The following OR1B1 variants were observed in gnomAD, a reference collection of about 807,000 sequenced individuals.
OR1B1 encodes the protein olfactory receptor 1B1.
For synonymous variants in OR1B1, 168 were observed against 156.2 expected (o/e 1.08, Z -0.57); for missense variants, 414 against 402.1 (o/e 1.03, Z -0.25).
At chr9:122,631,128 C>T (rs1483497244), upstream of OR1B1, among the ~76,000 whole-genome samples, 1 of 152,102 alleles carries the variant, frequency 6.6e-6, no homozygotes, top group East Asian at 1.9e-4. Flanking sequence ...GTAATACAAT[C>T]ATCCACACAT....
the OR1B1 span, among the ~76,000 whole-genome samples, chr9:122,646,872 A>T: frequency 6.6e-6 from 1 of 152,174 alleles, no homozygotes; most frequent in Non-Finnish European, 1.5e-5. Flanking sequence ...ACTTTTCAGG[A>T]CATAGCACAA....
chr9:122,651,421 T>C, the OR1B1 span, among the ~76,000 whole-genome samples: 815 of 152,336 alleles, frequency 5.4e-3, 9 homozygotes, highest in African/African-American at 0.019. Flanking sequence ...TTATTCTTCC[T>C]ATATAGCTGT....
At chr9:122,643,898 C>T in the OR1B1 span, among the ~76,000 whole-genome samples, 1 of 152,176 alleles carries the variant, frequency 6.6e-6, no homozygotes, top group Non-Finnish European at 1.5e-5. Flanking sequence ...GAACCTAGTC[C>T]TGGCAGGATT....
downstream of OR1B1, chr9:122,628,558 A>G (rs746236732): frequency 8.0e-6 from 12 of 1,498,160 alleles, no homozygotes; most frequent in Non-Finnish European, 1.1e-5. Context: ...CACCTATTCA[A>G]TATGGCCCAC....
At chr9:122,633,374 C>T (rs1830223443), upstream of OR1B1, among the ~76,000 whole-genome samples, 1 of 151,998 alleles carries the variant, frequency 6.6e-6, no homozygotes, top group Non-Finnish European at 1.5e-5. Context: ...GGGGAGACTC[C>T]TTGACATTAG....
chr9:122,645,309 A>C, the OR1B1 span, among the ~76,000 whole-genome samples: 2 of 152,266 alleles, frequency 1.3e-5, no homozygotes, highest in Middle Eastern at 3.4e-3. Context: ...CAAGAGGACC[A>C]GTTACAGAGT....
rs1294343226 is a variant in OR1B1, at chr9:122,628,816, G to A, written c.720C>T (p.Arg240=). The A allele has an allele frequency of 1.1e-5, 18 of 1,614,108 alleles. No homozygotes were observed. In the East Asian group the frequency reaches 4.0e-4, roughly 36 times the overall value. The change falls in exon 1 of 1, where the codon CGC becomes CGT. Residue 240 remains arginine (R), a synonymous_variant. Coordinates refer to ENST00000623530, the Ensembl canonical transcript of OR1B1. Reference sequence around the variant, plus strand: ...ATCCACAGGTGGAGACTGCTCGGCGGCGACCAGCAGCTGAAGGCAAACGTA... The same window carrying A: ...ATCCACAGGTGGAGACTGCTCGGCGACGACCAGCAGCTGAAGGCAAACGTA...
chr9:122,649,520 A>G, the OR1B1 span, among the ~76,000 whole-genome samples: 1 of 152,228 alleles, frequency 6.6e-6, no homozygotes, highest in Non-Finnish European at 1.5e-5. Flanking sequence ...AAGGGCTAAT[A>G]TCCAGAATCT....
At chr9:122,636,229 A>G in the OR1B1 span, among the ~76,000 whole-genome samples, 236 of 152,340 alleles carry the variant, frequency 1.5e-3, 1 homozygote, top group South Asian at 3.7e-3. Flanking sequence ...TGACTTGCCT[A>G]TCTCCCAATG....
chr9:122,629,079 C>A, exon 1 of OR1B1: 1 of 1,614,010 alleles, frequency 6.2e-7, no homozygotes, highest in Non-Finnish European at 8.5e-7. Flanking sequence ...AGTATGGACA[C>A]CACCCAGCTC....
upstream of OR1B1, chr9:122,629,627 A>T (rs1470089482): frequency 2.5e-6 from 2 of 797,230 alleles, no homozygotes; most frequent in Non-Finnish European, 4.1e-6. Flanking sequence ...AGTTAATTAT[A>T]TTACGTTACT....
upstream of OR1B1, among the ~76,000 whole-genome samples, chr9:122,631,478 A>G (rs1830202831): frequency 6.6e-6 from 1 of 152,154 alleles, no homozygotes; most frequent in Admixed American, 6.5e-5. Context: ...TGCCCAGCCA[A>G]TAACATACTT....
chr9:122,651,179 ATTTTG>A, the OR1B1 span, among the ~76,000 whole-genome samples: 1 of 152,280 alleles, frequency 6.6e-6, no homozygotes, highest in East Asian at 1.9e-4. Context: ...TCTAAATTTA[ATTTTG>A]TTTTGTTAAT....
upstream of OR1B1, among the ~76,000 whole-genome samples, chr9:122,631,321 C>T (rs1045260228): frequency 8.5e-5 from 13 of 152,058 alleles, no homozygotes; most frequent in African/African-American, 1.7e-4. Flanking sequence ...GGACCACAGG[C>T]GCCCGCCACC....
chr9:122,645,219 T>C, the OR1B1 span, among the ~76,000 whole-genome samples: 6 of 151,798 alleles, frequency 4.0e-5, no homozygotes, highest in South Asian at 2.1e-4. Context: ...CTTGAAGATA[T>C]GCTATTTGAA....
At chr9:122,637,553 T>C in the OR1B1 span, among the ~76,000 whole-genome samples, 1 of 152,228 alleles carries the variant, frequency 6.6e-6, no homozygotes, top group Non-Finnish European at 1.5e-5. Flanking sequence ...GGAAAACTCA[T>C]ACATTTTTAT....
the OR1B1 span, among the ~76,000 whole-genome samples, chr9:122,642,035 G>C: frequency 6.6e-6 from 1 of 152,004 alleles, no homozygotes; most frequent in Admixed American, 6.6e-5. Flanking sequence ...AGTGAGAGAA[G>C]GGTAGGAATG....
At chr9:122,645,581 A>G in the OR1B1 span, among the ~76,000 whole-genome samples, 9 of 152,340 alleles carry the variant, frequency 5.9e-5, no homozygotes, top group East Asian at 1.3e-3. Flanking sequence ...TGCAACTGGC[A>G]GAAGACTTTT....
At chr9:122,645,696 A>T in the OR1B1 span, among the ~76,000 whole-genome samples, 1 of 152,206 alleles carries the variant, frequency 6.6e-6, no homozygotes, top group African/African-American at 2.4e-5. Flanking sequence ...CCCAGTGAAA[A>T]TATCCATTAA....
Sources: gnomAD v4.1 joint callset for allele counts (sites outside exome capture counted in the v4.1 genomes callset) on GRCh38, gnomAD v4.1.1 for gene constraint, MANE v1.5 for transcripts, NCBI Gene and HGNC (gene_info 2026-07-23, HGNC 2026-07-21) for gene names.